IRS1: variants seen among roughly 807,000 people sequenced by gnomAD.
The protein encoded by IRS1 is insulin receptor substrate 1.
In IRS1, 34 loss-of-function variants were observed where a neutral mutation model predicts 65.6. The observed-to-expected ratio is 0.52, with a 90% CI of 0.39 to 0.69. IRS1 has a LOEUF of 0.69. Ranked by LOEUF, IRS1 falls within the 30% of genes least tolerant of loss-of-function variation. IRS1 has a pLI of 0.00. For synonymous variants in IRS1, 699 were observed against 683.5 expected (o/e 1.02, Z -0.35); for missense variants, 1,641 against 1,720.2 (o/e 0.95, Z 0.81).
intron 1 of IRS1, among the ~76,000 whole-genome samples, chr2:226,790,847 G>A (rs972157136): frequency 1.3e-5 from 2 of 152,058 alleles, no homozygotes; most frequent in Non-Finnish European, 2.9e-5. Flanking sequence ...TTACTGGAGG[G>A]TACACAACAC....
chr2:226,780,892 C>CCT lies in IRS1; in HGVS notation c.*21+14095_*21+14096dup, dbSNP rs1939367843. Among the ~76,000 whole-genome samples the CCT allele has an allele frequency of 2.0e-5, 3 of 152,274 alleles. 1 individual carries two copies. In the South Asian group the frequency reaches 6.2e-4, roughly 32 times the overall value. On this transcript the variant is annotated intron_variant, in intron 1 of 1. Coordinates refer to ENST00000305123, the MANE Select transcript of IRS1 (RefSeq NM_005544.3). The stretch of plus-strand genomic sequence containing the variant: ...TTGTTTGAAACTTTTCTAAAGCCAT[C>CCT]CTCTCCCTTGATCCAAGACTCTTCC...
chr2:226,751,221 A>G (rs1481864358), intron 1 of IRS1, among the ~76,000 whole-genome samples: 1 of 151,150 alleles, frequency 6.6e-6, no homozygotes, highest in Admixed American at 6.6e-5. Context: ...TGCAAAGAGG[A>G]CATTGGGGGA....
intron 1 of IRS1, among the ~76,000 whole-genome samples, chr2:226,772,987 A>G (rs1466596037): frequency 6.6e-6 from 1 of 152,238 alleles, no homozygotes; most frequent in African/African-American, 2.4e-5. Context: ...GTCACACTCT[A>G]AATGCAAATA....
At chr2:226,792,132 T>C (rs1300053569) in intron 1 of IRS1, 1 of 151,856 alleles carries the variant, frequency 6.6e-6, no homozygotes, top group Non-Finnish European at 1.5e-5. Context: ...TCTTTTTCTG[T>C]TTTTTTTCTT....
Position 226,796,328 on chromosome 2 carries a change from G to A in IRS1, c.2411C>T (p.Ala804Val), listed in dbSNP as rs778348940. 1.2e-6 allele frequency: 2 copies of A among 1,613,380 alleles called. No individual in the cohort carries two copies. Among genetic ancestry groups the A allele is most frequent in the Admixed American group, 1.7e-5 (1 of 60,028 alleles). The part of the protein sequence containing the change: ...SSGRLLYAAT[A>V]DDSSSSTSSD... ...GCTGGTGGAAGAGGAAGAATCATCT[G>A]CTGTTGCAGCATAGAGAAGGCGACC... Residue 804 changes from alanine to valine, a missense_variant, in exon 1 of 2, where the codon GCA becomes GTA. Coordinates refer to ENST00000305123, the MANE Select transcript of IRS1 (RefSeq NM_005544.3).
chr2:226,795,904 G>A lies in IRS1; in HGVS notation c.2835C>T (p.Asp945=), dbSNP rs753180932. The change falls in exon 1 of 2, where the codon GAC becomes GAT. Residue 945 remains aspartate, a synonymous_variant. Coordinates refer to ENST00000305123, the MANE Select transcript of IRS1 (RefSeq NM_005544.3). ...AGGCTGCCCTCCGGCCCGGCCCCAGGTCCATCTTCATGTACTCCTCAGTGC... is the reference window on the plus strand; with the variant it reads ...AGGCTGCCCTCCGGCCCGGCCCCAGATCCATCTTCATGTACTCCTCAGTGC... The part of the protein sequence containing the change: ...ETGTEEYMKM[D]LGPGRRAAWQ... 6.2e-6 allele frequency: 10 copies of A among 1,613,928 alleles called. No individual in the cohort carries two copies. The highest frequency in any genetic ancestry group is 2.2e-5 in the East Asian group (1 of 44,880).
chr2:226,798,954 G>A lies in IRS1; in HGVS notation c.-216C>T, dbSNP rs941112100. 1 of 1,445,910 alleles carries A rather than the reference G, an allele frequency of 6.9e-7. No homozygotes were observed. Among genetic ancestry groups the A allele is most frequent in the African/African-American group, 1.4e-5 (1 of 69,606 alleles). 89.6% of individuals were successfully genotyped at this position (1,445,910 alleles called of 1,614,324 possible). A position where few individuals can be genotyped will look rare whatever the true frequency, so the allele number is the denominator to read the frequency against. On this transcript the variant is annotated 5_prime_UTR_variant, in exon 1 of 2. Transcript: ENST00000305123. The surrounding 1 kb of genome is among the most constrained non-coding windows in gnomAD (Gnocchi z 9.4). ...AGGAGAGAGCCCGACCGGAGTTTTC[G>A]GGCGCTTCACGCCCGGCGGGGAGGC...
At chr2:226,758,498 T>C (rs962282865) in intron 1 of IRS1, among the ~76,000 whole-genome samples, 4 of 152,170 alleles carry the variant, frequency 2.6e-5, no homozygotes, top group Non-Finnish European at 5.9e-5. Context: ...ATCAGGAAAA[T>C]GTAAAATTTG....
chr2:226,776,069 T>C (rs528322717), intron 1 of IRS1, among the ~76,000 whole-genome samples: 39 of 152,096 alleles, frequency 2.6e-4, no homozygotes, highest in African/African-American at 8.2e-4. Context: ...ATTTTAGAAC[T>C]GGGGCAGGAA....
At chr2:226,744,220 C>A (rs1398330955) in intron 1 of IRS1, among the ~76,000 whole-genome samples, 1 of 152,168 alleles carries the variant, frequency 6.6e-6, no homozygotes, top group Admixed American at 6.5e-5. Flanking sequence ...TTCCTACTCA[C>A]CGCAAGTTTT....
intron 1 of IRS1, among the ~76,000 whole-genome samples, chr2:226,742,712 T>TG (rs1325068739): frequency 2.3e-5 from 3 of 129,458 alleles, no homozygotes; most frequent in Admixed American, 8.6e-5. Context: ...ACACGCATTA[T>TG]GAAAAAAAAA....
At chr2:226,750,218 C>T (rs945057333) in intron 1 of IRS1, among the ~76,000 whole-genome samples, 1 of 145,766 alleles carries the variant, frequency 6.9e-6, no homozygotes, top group Non-Finnish European at 1.5e-5. Flanking sequence ...CATTGCATTC[C>T]AGCCTGGGCA....
intron 1 of IRS1, among the ~76,000 whole-genome samples, chr2:226,770,660 AACAG>A (rs1343720649): frequency 6.6e-6 from 1 of 152,226 alleles, no homozygotes; most frequent in Admixed American, 6.5e-5. Context: ...AAAGATACAA[AACAG>A]ACAAAGCATT....
At chr2:226,793,790 G>A (rs1219823999) in intron 1 of IRS1, among the ~76,000 whole-genome samples, 1 of 152,166 alleles carries the variant, frequency 6.6e-6, no homozygotes. Context: ...CTTCTGCATT[G>A]CCAACTCATC....
rs535863402 is a variant in IRS1 at position 226,763,293 on chromosome 2, T to C, written c.*22-27043A>G. Among the ~76,000 whole-genome samples the C allele has an allele frequency of 2.0e-5, 3 of 152,240 alleles. No homozygotes were observed. In the South Asian group the frequency reaches 6.2e-4, roughly 32 times the overall value. ...TATTCAAATTACTACATTTTTGGGG[T>C]TTTTCTTTTTATACCATGTTGTGCT... On this transcript the variant is annotated intron_variant, in intron 1 of 1. Coordinates refer to ENST00000305123, the MANE Select transcript of IRS1 (RefSeq NM_005544.3).
intron 1 of IRS1, among the ~76,000 whole-genome samples, chr2:226,774,530 ACAAG>A (rs1469781958): frequency 1.3e-5 from 2 of 152,228 alleles, no homozygotes; most frequent in Non-Finnish European, 2.9e-5. Flanking sequence ...TGTAAAAAAA[ACAAG>A]CAAACAAAAA....
intron 1 of IRS1, among the ~76,000 whole-genome samples, chr2:226,793,846 C>A (rs573891497): frequency 7.8e-4 from 119 of 152,154 alleles, no homozygotes; most frequent in Middle Eastern, 3.2e-3. Flanking sequence ...ATTATGACCA[C>A]CAGAAAACAG....
At chr2:226,763,801 C>T (rs898273966) in intron 1 of IRS1, among the ~76,000 whole-genome samples, 1 of 152,082 alleles carries the variant, frequency 6.6e-6, no homozygotes, top group African/African-American at 2.4e-5. Flanking sequence ...TCCATTCAAA[C>T]AAACAAACAA....
rs1198168717 is a variant in IRS1 at position 226,798,669 on chromosome 2, T to C, written c.70A>G (p.Ser24Gly). Residue 24 changes from serine (S) to glycine (G), a missense_variant, in exon 1 of 2, where the codon AGC (serine) becomes GGC (glycine). By Grantham distance (56) the Ser-to-Gly change is moderately conservative. Around this residue, in one of 3 missense-constraint regions of IRS1, gnomAD observed 240 missense variants for 229.6 expected, o/e 1.05. Coordinates refer to ENST00000305123, the MANE Select transcript of IRS1 (RefSeq NM_005544.3). The surrounding 1 kb of genome is among the most constrained non-coding windows in gnomAD (Gnocchi z 9.4). ...RKVGYLRKPK[S>G]MHKRFFVLRA... ...AGTACGAAGAAGCGTTTGTGCATGCTCTTGGGTTTGCGCAGGTAGCCCACC... is the reference window on the plus strand; with the variant it reads ...AGTACGAAGAAGCGTTTGTGCATGCCCTTGGGTTTGCGCAGGTAGCCCACC... 5.0e-6 allele frequency: 8 copies of C among 1,613,000 alleles called. No homozygotes were observed. The highest frequency in any genetic ancestry group is 6.8e-6 in the Non-Finnish European group (8 of 1,179,936).
Sources: allele counts gnomAD v4.1 joint callset (sites outside exome capture counted in the v4.1 genomes callset), GRCh38; gene constraint gnomAD v4.1.1; regional missense constraint gnomAD v4.1.1; non-coding constraint Gnocchi (gnomAD v3.1); transcripts MANE v1.5; gene names NCBI Gene and HGNC (gene_info 2026-07-23, HGNC 2026-07-21).